Variants in RBPJ observed in about 807,000 individuals in gnomAD.
RBPJ encodes the protein recombination signal binding protein for immunoglobulin kappa J region.
RBPJ carries 9 observed loss-of-function variants against 67.8 expected under a neutral mutation model. The observed-to-expected ratio is 0.13, with a 90% CI of 0.08 to 0.23. The LOEUF is 0.23. Among genes scored for constraint, RBPJ ranks in the 10% least tolerant of loss-of-function variants. RBPJ has a pLI of 1.00. For missense variants in RBPJ, 305 were observed against 595.6 expected (o/e 0.51, Z 5.08); for synonymous variants, 198 against 203.3 (o/e 0.97, Z 0.22).
upstream of RBPJ, chr4:26,320,564 C>T: frequency 1.8e-6 from 1 of 547,910 alleles, no homozygotes; most frequent in Non-Finnish European, 3.1e-6. Context: ...TTGGAAAACA[C>T]CCATTGAGGA....
At chr4:26,287,342 C>T (rs917527532) in intron 1 of RBPJ, among the ~76,000 whole-genome samples, 2 of 151,638 alleles carry the variant, frequency 1.3e-5, no homozygotes, top group African/African-American at 4.9e-5. Flanking sequence ...GAGTTTGAGA[C>T]CAGCCTGGGC....
At chr4:26,378,860 CT>C (rs1216917369) in intron 1 of RBPJ, among the ~76,000 whole-genome samples, 2 of 152,032 alleles carry the variant, frequency 1.3e-5, no homozygotes, top group Non-Finnish European at 2.9e-5. Context: ...AACCCTATCT[CT>C]ACAAAAATAC....
intron 1 of RBPJ, among the ~76,000 whole-genome samples, chr4:26,231,795 C>T (rs1190672229): frequency 1.3e-5 from 2 of 151,884 alleles, no homozygotes; most frequent in African/African-American, 4.8e-5. Context: ...GTGATCCACT[C>T]GCCTCAGCCT....
At chr4:26,160,932 G>A (rs921099102), upstream of RBPJ, among the ~76,000 whole-genome samples, 2 of 152,204 alleles carry the variant, frequency 1.3e-5, no homozygotes, top group African/African-American at 4.8e-5. Context: ...CTCCCACCAT[G>A]TTACATCAGC....
chr4:26,417,203 T>G (rs996468888), intron 4 of RBPJ, among the ~76,000 whole-genome samples: 1 of 152,212 alleles, frequency 6.6e-6, no homozygotes, highest in Non-Finnish European at 1.5e-5. Context: ...GTATAACTGT[T>G]TAATCCTACT....
intron 1 of RBPJ, among the ~76,000 whole-genome samples, chr4:26,372,022 A>G (rs1729205969): frequency 6.6e-6 from 1 of 152,316 alleles, no homozygotes; most frequent in African/African-American, 2.4e-5. Flanking sequence ...TCCTTTTTAA[A>G]TTAGAAATAA....
chr4:26,342,126 G>A (rs1006547324), intron 1 of RBPJ, among the ~76,000 whole-genome samples: 2 of 152,140 alleles, frequency 1.3e-5, no homozygotes, highest in Non-Finnish European at 2.9e-5. Flanking sequence ...AAGAATTTGC[G>A]TTTCTAGCAA....
chr4:26,171,571 C>CAA (rs1716584995), intron 1 of RBPJ, among the ~76,000 whole-genome samples: 3 of 152,078 alleles, frequency 2.0e-5, no homozygotes, highest in Non-Finnish European at 4.4e-5. Context: ...CAAATTAAAA[C>CAA]AAGAAATGTA....
intron 1 of RBPJ, among the ~76,000 whole-genome samples, chr4:26,175,378 G>T (rs944821155): frequency 6.9e-6 from 1 of 145,028 alleles, no homozygotes; most frequent in African/African-American, 2.8e-5. Flanking sequence ...AGCTTGAGCT[G>T]GGGGGGGGAT....
intron 1 of RBPJ, among the ~76,000 whole-genome samples, chr4:26,281,844 G>A (rs542569633): frequency 6.6e-6 from 1 of 152,332 alleles, no homozygotes; most frequent in East Asian, 1.9e-4. Context: ...TGTCTGGACA[G>A]AAGAGTTACG....
chr4:26,219,955 T>G (rs1052970330), intron 1 of RBPJ, among the ~76,000 whole-genome samples: 2 of 151,922 alleles, frequency 1.3e-5, no homozygotes, highest in African/African-American at 4.8e-5. Flanking sequence ...TTTTTTTTTT[T>G]TGTATTTTTA....
chr4:26,338,296 C>T (rs1297665620), intron 1 of RBPJ, among the ~76,000 whole-genome samples: 1 of 151,396 alleles, frequency 6.6e-6, no homozygotes, highest in Non-Finnish European at 1.5e-5. Flanking sequence ...GCTGGGACTA[C>T]AGGTGTGCGC....
At chr4:26,275,700 G>C (rs914959470) in intron 1 of RBPJ, among the ~76,000 whole-genome samples, 1 of 151,974 alleles carries the variant, frequency 6.6e-6, no homozygotes, top group African/African-American at 2.4e-5. Flanking sequence ...GCGCGATCTC[G>C]GCTCACTGCA....
At chr4:26,312,851 T>C (rs899370477) in intron 1 of RBPJ, among the ~76,000 whole-genome samples, 14 of 152,204 alleles carry the variant, frequency 9.2e-5, no homozygotes, top group African/African-American at 2.4e-4. Context: ...AAACATGCTG[T>C]TTGAATGAAC....
chr4:26,371,155 T>G (rs1729126331), intron 1 of RBPJ, among the ~76,000 whole-genome samples: 1 of 152,124 alleles, frequency 6.6e-6, no homozygotes, highest in Non-Finnish European at 1.5e-5. Flanking sequence ...AACTTAAACA[T>G]TACAGATCAG....
chr4:26,296,579 TCTTTA>T (rs1405769288), intron 1 of RBPJ, among the ~76,000 whole-genome samples: 1 of 152,236 alleles, frequency 6.6e-6, no homozygotes, highest in Admixed American at 6.5e-5. Context: ...AATATCTTAT[TCTTTA>T]CTTTGATGAA....
intron 1 of RBPJ, among the ~76,000 whole-genome samples, chr4:26,205,647 C>T (rs1467164355): frequency 6.6e-6 from 1 of 152,084 alleles, no homozygotes; most frequent in African/African-American, 2.4e-5. Flanking sequence ...GGCTGGAGTG[C>T]AGCGGTACAG....
chr4:26,286,986 C>T lies in RBPJ; in HGVS notation c.-166-75460C>T, dbSNP rs1288742429. Among the ~76,000 whole-genome samples the T allele has an allele frequency of 2.0e-5, 3 of 152,022 alleles. No homozygotes were observed. The East Asian group carries it at 5.8e-4, about 29-fold the overall frequency. ...ATTTTTCATATAGACGGGGTTTCTC[C>T]ATGTTGTCCAGGCTGGTCTCGAACT... On this transcript the variant is annotated intron_variant, in intron 1 of 4. Transcript: ENST00000512351.
intron 1 of RBPJ, among the ~76,000 whole-genome samples, chr4:26,187,999 C>CT (rs1473113269): frequency 4.6e-5 from 7 of 152,074 alleles, no homozygotes; most frequent in African/African-American, 1.7e-4. Flanking sequence ...TGCACTCCAG[C>CT]CTGGGCAACA....
Sources: allele counts gnomAD v4.1 joint callset (sites outside exome capture counted in the v4.1 genomes callset), GRCh38; gene constraint gnomAD v4.1.1; transcripts MANE v1.5; gene names NCBI Gene and HGNC (gene_info 2026-07-23, HGNC 2026-07-21).